The following PLEKHH2 variants were observed in gnomAD, a reference collection of about 807,000 sequenced individuals.
PLEKHH2 encodes the protein pleckstrin homology domain-containing family H member 2.
In PLEKHH2, 129 loss-of-function variants were observed where a neutral mutation model predicts 187.9. The ratio of observed to expected loss-of-function variants is 0.69; its 90% CI spans 0.59 to 0.79. The LOEUF is 0.79. Among genes scored for constraint, PLEKHH2 ranks in the 30% least tolerant of loss-of-function variants. The pLI, the probability that PLEKHH2 is intolerant of heterozygous loss-of-function variation, is 0.00. For missense variants in PLEKHH2, 2,076 were observed against 1,751.2 expected, an observed-to-expected ratio of 1.19 and a Z score of -3.31; for synonymous variants, 686 against 605.6, an observed-to-expected ratio of 1.13 and a Z score of -1.95.
intron 16 of PLEKHH2, 114 bp from the exon 17 acceptor site, chr2:43,726,157 AG>A: frequency 1.3e-6 from 1 of 742,732 alleles, no homozygotes; most frequent in Non-Finnish European, 2.1e-6. Flanking sequence ...TAAAAAATAA[AG>A]TAAAATTTTT....
At position 43,698,040 on chromosome 2, in the gene PLEKHH2, G is replaced by T. The variant is rs188441018; in HGVS notation, c.688+684G>T. Among the ~76,000 whole-genome samples, 268 of 152,130 alleles carry T rather than the reference G, an allele frequency of 1.8e-3. 5 individuals carry two copies. In the South Asian group the frequency reaches 0.023, roughly 13 times the overall value. On this transcript the variant is annotated intron_variant, in intron 7 of 29. Transcript: ENST00000282406. ...CACCTCTAGCACAATCACTTTTGTTGACTTTCCCCAAATATTTTAGAGAGG... is the reference window on the plus strand; with the variant it reads ...CACCTCTAGCACAATCACTTTTGTTTACTTTCCCCAAATATTTTAGAGAGG...
At chr2:43,675,575 G>C in intron 2 of PLEKHH2, 2 of 1,613,692 alleles carry the variant, frequency 1.2e-6, no homozygotes, top group Non-Finnish European at 1.7e-6. Flanking sequence ...TCAATAAGCT[G>C]TGCGATTGGT....
At position 43,698,596 on chromosome 2, in the gene PLEKHH2, C is replaced by T. The variant is rs186320034; in HGVS notation, c.689-1051C>T. 3.9e-4 allele frequency among the ~76,000 whole-genome samples: 60 copies of T among 152,216 alleles called. No homozygotes were observed. In the East Asian group the frequency reaches 5.0e-3, roughly 13 times the overall value. ...TTTGAGAAGCCATTTTCATTTCCTT[C>T]CCTTTTTCTAATAGTGGAGTACAGC... is the stretch of plus-strand genomic sequence containing the variant. On this transcript the variant is annotated intron_variant, in intron 7 of 29. Coordinates refer to ENST00000282406, the MANE Select transcript of PLEKHH2 (RefSeq NM_172069.4).
chr2:43,714,544 G>C (rs759931800), intron 15 of PLEKHH2, among the ~76,000 whole-genome samples: 2 of 152,166 alleles, frequency 1.3e-5, no homozygotes, highest in African/African-American at 4.8e-5. Context: ...TGGAGGGGAG[G>C]AAGTTTTCTC....
At chr2:43,742,714 G>A (rs1671622454) in intron 21 of PLEKHH2, 27 bp from the exon 22 acceptor site, 1 of 1,459,006 alleles carries the variant, frequency 6.9e-7, no homozygotes, top group African/African-American at 1.4e-5. Context: ...TTTATTCTTA[G>A]ATTTTATCTT....
At chr2:43,733,296 G>C (rs1367957084) in intron 19 of PLEKHH2, among the ~76,000 whole-genome samples, 1 of 150,612 alleles carries the variant, frequency 6.6e-6, no homozygotes, top group East Asian at 1.9e-4. Context: ...CTAGGAAATG[G>C]AGGTTGCACT....
chr2:43,741,077 G>T (rs980013824), intron 21 of PLEKHH2, 34 bp downstream of exon 21: 1 of 1,552,666 alleles, frequency 6.4e-7, no homozygotes, highest in African/African-American at 1.4e-5. Context: ...AACTGTTTAT[G>T]TGGCCTCTGA....
intron 2 of PLEKHH2, among the ~76,000 whole-genome samples, chr2:43,651,520 G>A (rs1465057675): frequency 6.6e-6 from 1 of 152,176 alleles, no homozygotes; most frequent in East Asian, 1.9e-4. Context: ...TGAACAAATA[G>A]CAAAGGACAG....
At chr2:43,717,991 T>C (rs1670295016) in intron 15 of PLEKHH2, among the ~76,000 whole-genome samples, 1 of 152,166 alleles carries the variant, frequency 6.6e-6, no homozygotes, top group African/African-American at 2.4e-5. Flanking sequence ...GCTACAGGGA[T>C]GGGCTTATGG....
chr2:43,681,163 A>G (rs978627494), intron 3 of PLEKHH2: 6 of 712,778 alleles, frequency 8.4e-6, no homozygotes, highest in Middle Eastern at 3.6e-4. Flanking sequence ...TGCCACTCAG[A>G]ACATCCTTTT....
intron 1 of PLEKHH2, among the ~76,000 whole-genome samples, 163 bp downstream of exon 1, chr2:43,637,542 G>T (rs528055197): frequency 3.4e-4 from 52 of 152,220 alleles, no homozygotes; most frequent in Non-Finnish European, 5.6e-4. Flanking sequence ...GCTGACTCGG[G>T]ATCCGCCGCT....
chr2:43,729,058 C>T (rs1485024643), intron 17 of PLEKHH2, among the ~76,000 whole-genome samples: 1 of 152,080 alleles, frequency 6.6e-6, no homozygotes, highest in Non-Finnish European at 1.5e-5. Flanking sequence ...GAATATCCTG[C>T]AGCCATTAAA....
intron 1 of PLEKHH2, among the ~76,000 whole-genome samples, chr2:43,638,117 G>A (rs1703200664): frequency 6.6e-6 from 1 of 152,190 alleles, no homozygotes; most frequent in Non-Finnish European, 1.5e-5. Context: ...GGAGTATGTA[G>A]TGAGGAGCTC....
chr2:43,701,532 T>A (rs1224371438), intron 8 of PLEKHH2, among the ~76,000 whole-genome samples: 1 of 152,204 alleles, frequency 6.6e-6, no homozygotes, highest in Non-Finnish European at 1.5e-5. Flanking sequence ...ACTTAACTCT[T>A]GTTAGTTATA....
At position 43,682,200 on chromosome 2, in the gene PLEKHH2, A is replaced by G. The variant is rs1021077901; in HGVS notation, c.186+3275A>G. Among the ~76,000 whole-genome samples, 56 of 152,370 alleles carry G rather than the reference A, an allele frequency of 3.7e-4. 1 individual carries two copies. Among genetic ancestry groups the G allele is most frequent in the Non-Finnish European group, 1.8e-4 (12 of 68,044 alleles). On this transcript the variant is annotated intron_variant, in intron 3 of 29. Coordinates refer to ENST00000282406, the MANE Select transcript of PLEKHH2 (RefSeq NM_172069.4). ...ACCATCATCACACCAAAAAATTACC[A>G]GTAATTCTTCAGTATATCAAAGATC...
chr2:43,638,521 CA>C (rs1236465200), intron 1 of PLEKHH2, among the ~76,000 whole-genome samples: 1 of 152,062 alleles, frequency 6.6e-6, no homozygotes, highest in Non-Finnish European at 1.5e-5. Flanking sequence ...TAAATACTTC[CA>C]AAAATCACTG....
intron 27 of PLEKHH2, 110 bp downstream of exon 27, chr2:43,759,139 C>G: frequency 7.2e-7 from 1 of 1,387,694 alleles, no homozygotes; most frequent in South Asian, 1.7e-5. Flanking sequence ...AAGAAATATC[C>G]AATAATGTAA....
At chr2:43,722,623 T>C (rs945938868) in intron 16 of PLEKHH2, among the ~76,000 whole-genome samples, 1 of 152,196 alleles carries the variant, frequency 6.6e-6, no homozygotes, top group Non-Finnish European at 1.5e-5. Context: ...TCCCAATTTC[T>C]CTGTAATTAT....
At chr2:43,750,246 C>T (rs1007670219) in intron 24 of PLEKHH2, among the ~76,000 whole-genome samples, 4 of 152,240 alleles carry the variant, frequency 2.6e-5, no homozygotes, top group South Asian at 4.1e-4. Flanking sequence ...CCTAGGCAGG[C>T]GGATCACCTG....
Sources: gnomAD v4.1 joint callset for allele counts (sites outside exome capture counted in the v4.1 genomes callset) on GRCh38, gnomAD v4.1.1 for gene constraint, MANE v1.5 for transcripts, NCBI Gene and HGNC (gene_info 2026-07-23, HGNC 2026-07-21) for gene names.